Variants in TEX9 observed in about 807,000 individuals in gnomAD.
The protein encoded by TEX9 is testis expressed 9.
In TEX9, 74 loss-of-function variants were observed where a neutral mutation model predicts 59.6. That is an observed-to-expected ratio of 1.24 (90% CI 1.03 to 1.51). TEX9 has a LOEUF of 1.51. TEX9 is among the 40% of genes most tolerant of loss of function. The probability of loss-of-function intolerance (pLI) is 0.00; values close to 1 mark genes in which losing one functional copy is unlikely to be tolerated. For synonymous variants in TEX9, 186 were observed against 152.2 expected, an observed-to-expected ratio of 1.22 and a Z score of -1.64; for missense variants, 522 against 447.8, an observed-to-expected ratio of 1.17 and a Z score of -1.49.
chr15:56,446,158 A>C (rs1193701610), downstream of TEX9, among the ~76,000 whole-genome samples: 2 of 151,944 alleles, frequency 1.3e-5, no homozygotes, highest in East Asian at 3.9e-4. Context: ...GTGTGTGTAC[A>C]TATGTTTATG....
At chr15:56,257,986 C>T (rs2141330200) in intron 1 of TEX9, among the ~76,000 whole-genome samples, 1 of 152,100 alleles carries the variant, frequency 6.6e-6, no homozygotes, top group South Asian at 2.1e-4. Flanking sequence ...AGGAAGTGTC[C>T]ACTTTCAGTT....
chr15:56,308,138 A>G (rs1017619559), intron 1 of TEX9, among the ~76,000 whole-genome samples: 1 of 152,174 alleles, frequency 6.6e-6, no homozygotes, highest in Non-Finnish European at 1.5e-5. Context: ...TTAACTTTTG[A>G]GGAACTGCCA....
At position 56,390,319 on chromosome 15, in the gene TEX9, CTTAA is replaced by C. The variant is rs769308363; in HGVS notation, c.396-920_396-917del. 8.2e-4 allele frequency among the ~76,000 whole-genome samples: 125 copies of C among 151,996 alleles called. 1 individual carries two copies. Among genetic ancestry groups the C allele is most frequent in the African/African-American group, 2.9e-3 (121 of 41,468 alleles). ...ATAGGGTGACGATAGCCAATAATAA[CTTAA>C]TTATATTTTTAAAATAAAGAGTGTA... On this transcript the variant is annotated intron_variant, in intron 6 of 12. Coordinates refer to ENST00000352903, the Ensembl canonical transcript of TEX9.
intron 1 of TEX9, among the ~76,000 whole-genome samples, chr15:56,351,157 C>T (rs1267654617): frequency 1.3e-5 from 2 of 152,064 alleles, no homozygotes; most frequent in Non-Finnish European, 2.9e-5. Flanking sequence ...ATTTTGTGTA[C>T]CTTTCTAAGA....
intron 12 of TEX9, chr15:56,431,335 G>C: frequency 6.2e-7 from 1 of 1,602,054 alleles, no homozygotes; most frequent in Non-Finnish European, 8.5e-7. Flanking sequence ...CACTATTACA[G>C]GTCATGAAGA....
chr15:56,426,587 G>GTATA lies in TEX9; in HGVS notation c.964-1017_964-1016insATAT, dbSNP rs1320230912. Among the ~76,000 whole-genome samples the GTATA allele has an allele frequency of 2.4e-3, 20 of 8,212 alleles. 1 individual carries two copies. Among genetic ancestry groups the GTATA allele is most frequent in the Non-Finnish European group, 4.8e-3 (18 of 3,720 alleles). The allele number at this position is 8,212 out of a possible 152,430, so 5.4% of individuals were successfully genotyped here. ...GTTTTTTTTTTTTTTTTTTGAAAAG[G>GTATA]TGTATATATATATATATATATATAT... On this transcript the variant is annotated intron_variant, in intron 10 of 12. Transcript: ENST00000352903.
At chr15:56,448,014 T>A (rs2050920506), downstream of TEX9, among the ~76,000 whole-genome samples, 2 of 152,228 alleles carry the variant, frequency 1.3e-5, no homozygotes, top group Non-Finnish European at 2.9e-5. Flanking sequence ...TTTAAGATTA[T>A]AGATATCCAC....
At chr15:56,375,604 G>C (rs1197461611) in intron 3 of TEX9, among the ~76,000 whole-genome samples, 1 of 152,150 alleles carries the variant, frequency 6.6e-6, no homozygotes, top group Non-Finnish European at 1.5e-5. Context: ...CCTATGTCCT[G>C]AATGGTAATG....
chr15:56,254,544 A>G (rs2044099785), intron 1 of TEX9, among the ~76,000 whole-genome samples: 1 of 151,498 alleles, frequency 6.6e-6, no homozygotes. Flanking sequence ...CCCCAGCAAT[A>G]TGCCCTTCCC....
At chr15:56,432,350 T>C (rs2050618779) in intron 12 of TEX9, among the ~76,000 whole-genome samples, 2 of 152,206 alleles carry the variant, frequency 1.3e-5, no homozygotes, top group South Asian at 4.1e-4. Context: ...TGTAGGAAAC[T>C]ACCTCCTGGG....
chr15:56,298,901 A>T (rs1351721876), intron 1 of TEX9, among the ~76,000 whole-genome samples: 1 of 152,248 alleles, frequency 6.6e-6, no homozygotes, highest in Non-Finnish European at 1.5e-5. Context: ...TATTGATTAC[A>T]TGAATAAATT....
At chr15:56,259,256 G>C (rs1410064505) in intron 1 of TEX9, among the ~76,000 whole-genome samples, 3 of 151,902 alleles carry the variant, frequency 2.0e-5, no homozygotes, top group Admixed American at 2.0e-4. Context: ...ATTGTCTATG[G>C]CTGCCTTTGG....
chr15:56,440,380 C>G (rs182054638), intron 12 of TEX9, among the ~76,000 whole-genome samples: 2 of 152,312 alleles, frequency 1.3e-5, no homozygotes, highest in East Asian at 3.9e-4. Context: ...ATGTTAAATG[C>G]TACAGCTGTT....
chr15:56,244,694 G>T (rs2043801124), intron 1 of TEX9, among the ~76,000 whole-genome samples: 1 of 150,930 alleles, frequency 6.6e-6, no homozygotes, highest in South Asian at 2.1e-4. Context: ...TGCAGCCAAG[G>T]CCACTGCCTG....
upstream of TEX9, among the ~76,000 whole-genome samples, chr15:56,361,318 T>C (rs1240167720): frequency 6.6e-6 from 1 of 152,222 alleles, no homozygotes; most frequent in Non-Finnish European, 1.5e-5. Flanking sequence ...ATTTTTCTTC[T>C]TTTCTAATAT....
chr15:56,440,614 A>G (rs1271873115), intron 12 of TEX9, among the ~76,000 whole-genome samples: 1 of 152,210 alleles, frequency 6.6e-6, no homozygotes, highest in Admixed American at 6.5e-5. Flanking sequence ...TATACATGCC[A>G]ATGGAATGTT....
intron 4 of TEX9, among the ~76,000 whole-genome samples, chr15:56,387,298 C>T (rs1188104162): frequency 2.0e-5 from 3 of 151,624 alleles, no homozygotes; most frequent in African/African-American, 7.3e-5. Context: ...ATGAAAGGTA[C>T]AGAAAATGTA....
At chr15:56,325,106 CT>C (rs1270436888) in intron 1 of TEX9, among the ~76,000 whole-genome samples, 1 of 152,268 alleles carries the variant, frequency 6.6e-6, no homozygotes, top group Non-Finnish European at 1.5e-5. Flanking sequence ...TCCTTGGTTC[CT>C]TGGTAGATGA....
intron 12 of TEX9, among the ~76,000 whole-genome samples, chr15:56,444,872 T>C (rs1369532222): frequency 6.6e-6 from 1 of 152,046 alleles, no homozygotes; most frequent in African/African-American, 2.4e-5. Context: ...GCAGCTTTCC[T>C]ATCCCTTCAA....
Sources: gnomAD v4.1 joint callset for allele counts (sites outside exome capture counted in the v4.1 genomes callset) on GRCh38, gnomAD v4.1.1 for gene constraint, MANE v1.5 for transcripts, NCBI Gene and HGNC (gene_info 2026-07-23, HGNC 2026-07-21) for gene names.